EHD4: variants seen among roughly 807,000 people sequenced by gnomAD.
The protein encoded by EHD4 is EH domain-containing protein 4.
In EHD4, 37 loss-of-function variants were observed where a neutral mutation model predicts 51.0. That is an observed-to-expected ratio of 0.73 (90% confidence interval 0.56 to 0.95). EHD4 has a LOEUF of 0.95. EHD4 is among the 40% of genes least tolerant of loss of function. The pLI, the probability that EHD4 is intolerant of heterozygous loss-of-function variation, is 0.00. For missense variants in EHD4, 632 were observed against 733.1 expected, an observed-to-expected ratio of 0.86 and a Z score of 1.59; for synonymous variants, 297 against 317.3, an observed-to-expected ratio of 0.94 and a Z score of 0.68.
At chr15:41,905,361 G>T (rs543327231) in intron 5 of EHD4, among the ~76,000 whole-genome samples, 95 of 152,312 alleles carry the variant, frequency 6.2e-4, no homozygotes, top group African/African-American at 2.3e-3. Context: ...GGAACCCCTG[G>T]TCTATAAGCC....
At position 41,899,950 on chromosome 15, in the gene EHD4, C is replaced by G. The variant is rs2067464662; in HGVS notation, c.*695G>C. ...GAATATGGCTTTGCTGGTAAGCCCC[C>G]TGGAAGGGAGGTTGGGAGGGCTGAC... On this transcript the variant is annotated 3_prime_UTR_variant, in exon 6 of 6. Coordinates refer to ENST00000220325, the MANE Select transcript of EHD4 (RefSeq NM_139265.4). 1 of 152,318 alleles carries G rather than the reference C, an allele frequency of 6.6e-6. No individual in the cohort carries two copies. The allele number at this position is 152,318 out of a possible 1,614,324, so 9.4% of individuals were successfully genotyped here.
At chr15:41,947,124 T>C (rs2067820353) in intron 2 of EHD4, among the ~76,000 whole-genome samples, 1 of 152,190 alleles carries the variant, frequency 6.6e-6, no homozygotes, top group African/African-American at 2.4e-5. Context: ...AACTTGGCAG[T>C]GCTGACTGCA....
intron 3 of EHD4, chr15:41,928,603 A>ATT (rs1188714391): frequency 6.6e-6 from 1 of 152,212 alleles, no homozygotes; most frequent in Non-Finnish European, 1.5e-5. Context: ...AAATATGCAT[A>ATT]TTGTAAAAAT....
At chr15:41,923,831 T>G (rs2064833218) in intron 3 of EHD4, among the ~76,000 whole-genome samples, 2 of 152,256 alleles carry the variant, frequency 1.3e-5, no homozygotes, top group Admixed American at 1.3e-4. Flanking sequence ...GAAACATGCT[T>G]ATCTGAAGAC....
chr15:41,926,988 C>T (rs563744324), intron 3 of EHD4, among the ~76,000 whole-genome samples: 1 of 152,342 alleles, frequency 6.6e-6, no homozygotes, highest in African/African-American at 2.4e-5. Flanking sequence ...AGCCTGAGAG[C>T]AGGGCCAAGT....
intron 1 of EHD4, among the ~76,000 whole-genome samples, chr15:41,961,485 TGAG>T (rs2048941775): frequency 1.3e-5 from 2 of 152,184 alleles, no homozygotes; most frequent in Admixed American, 1.3e-4. Context: ...TAAATCGTCA[TGAG>T]GAGGTTATGG....
chr15:41,916,981 G>A (rs1018293417), intron 4 of EHD4, among the ~76,000 whole-genome samples: 5 of 152,162 alleles, frequency 3.3e-5, no homozygotes, highest in Non-Finnish European at 7.4e-5. Flanking sequence ...ACAGAGCAGC[G>A]TTCTGTGCCT....
chr15:41,934,085 C>T (rs1052571818), intron 3 of EHD4, among the ~76,000 whole-genome samples: 1 of 152,082 alleles, frequency 6.6e-6, no homozygotes, highest in Non-Finnish European at 1.5e-5. Context: ...CCTTCACCCT[C>T]GGGCATACAG....
chr15:41,969,502 T>C (rs997208845), intron 1 of EHD4, among the ~76,000 whole-genome samples: 3 of 151,938 alleles, frequency 2.0e-5, no homozygotes, highest in African/African-American at 7.3e-5. Flanking sequence ...GCCGAGATCA[T>C]GCCATGGCAC....
intron 1 of EHD4, among the ~76,000 whole-genome samples, chr15:41,964,716 AAAAG>A (rs1225030641): frequency 6.6e-6 from 1 of 151,872 alleles, no homozygotes; most frequent in African/African-American, 2.4e-5. Context: ...ACTGTCCTAA[AAAAG>A]AAAGATAGAT....
intron 4 of EHD4, among the ~76,000 whole-genome samples, chr15:41,913,664 AACAGCTGGAGGT>A (rs35714699): frequency 0.025 from 3,851 of 152,356 alleles, 177 homozygotes; most frequent in African/African-American, 0.089. Context: ...GCCAAAGACC[AACAGCTGGAGGT>A]ACAGTAATGA....
chr15:41,909,601 TA>T, intron 5 of EHD4, 97 bp downstream of exon 5: 1 of 1,426,314 alleles, frequency 7.0e-7, no homozygotes, highest in Non-Finnish European at 9.7e-7. Flanking sequence ...TCCTTGATCC[TA>T]AACCATGGGA....
rs1351075523 is a variant in EHD4 at position 41,902,773 on chromosome 15, G to GTGTGTATATATATGTA, written c.1090-1608_1090-1593dup. Among the ~76,000 whole-genome samples the GTGTGTATATATATGTA allele has an allele frequency of 3.5e-3, 517 of 148,860 alleles. 3 individuals are homozygous for GTGTGTATATATATGTA. Among genetic ancestry groups the GTGTGTATATATATGTA allele is most frequent in the African/African-American group, 0.012 (485 of 40,194 alleles). On this transcript the variant is annotated intron_variant, in intron 5 of 5. Coordinates refer to ENST00000220325, the MANE Select transcript of EHD4 (RefSeq NM_139265.4). Reference sequence around the variant, plus strand: ...TATGTATGTGTATACATATATGTATGTGTGTATATATATGTATGTGTATAT... The same window carrying GTGTGTATATATATGTA: ...TATGTATGTGTATACATATATGTATGTGTGTATATATATGTATGTGTATATATATGTATGTGTATAT...
At chr15:41,937,948 T>C (rs1327451024) in intron 3 of EHD4, among the ~76,000 whole-genome samples, 1 of 152,208 alleles carries the variant, frequency 6.6e-6, no homozygotes, top group Admixed American at 6.5e-5. Context: ...TGCACATACA[T>C]ATATAATGAG....
intron 2 of EHD4, among the ~76,000 whole-genome samples, chr15:41,950,902 C>G (rs963865005): frequency 1.3e-5 from 2 of 152,132 alleles, no homozygotes; most frequent in Non-Finnish European, 2.9e-5. Flanking sequence ...TTATCAACGC[C>G]AAAAGAATAA....
intron 3 of EHD4, among the ~76,000 whole-genome samples, chr15:41,938,435 C>T (rs1489008402): frequency 3.9e-5 from 6 of 152,180 alleles, no homozygotes; most frequent in Non-Finnish European, 7.3e-5. Flanking sequence ...TAGATCCTCC[C>T]GGCTTCATGT....
At chr15:41,958,567 C>T (rs1246657086) in intron 1 of EHD4, among the ~76,000 whole-genome samples, 1 of 151,370 alleles carries the variant, frequency 6.6e-6, no homozygotes, top group African/African-American at 2.4e-5. Context: ...TCATTTATGA[C>T]AAGGGGAAGA....
intron 1 of EHD4, among the ~76,000 whole-genome samples, chr15:41,964,743 G>A (rs2067950364): frequency 6.9e-6 from 1 of 144,510 alleles, no homozygotes. Flanking sequence ...ATAGATTTAG[G>A]AATATATATA....
chr15:41,904,688 G>C (rs564367659), intron 5 of EHD4, among the ~76,000 whole-genome samples: 1 of 152,196 alleles, frequency 6.6e-6, no homozygotes, highest in Admixed American at 6.5e-5. Flanking sequence ...AGCAGATGGG[G>C]CTGACTCTGC....
Sources: gnomAD v4.1 joint callset for allele counts (sites outside exome capture counted in the v4.1 genomes callset) on GRCh38, gnomAD v4.1.1 for gene constraint, MANE v1.5 for transcripts, NCBI Gene and HGNC (gene_info 2026-07-23, HGNC 2026-07-21) for gene names.